Variants in IL11 observed in about 807,000 individuals in gnomAD.
IL11 encodes interleukin 11, also known as interleukin-11.
Under a neutral mutation model 18.1 loss-of-function variants are expected in IL11, and 17 were observed. The observed-to-expected ratio is 0.94, with a 90% CI of 0.64 to 1.41. The LOEUF is 1.41. Ranked by LOEUF, IL11 falls within the 40% of genes most tolerant of loss-of-function variation. The pLI is 0.00. For missense variants in IL11, 309 were observed against 262.8 expected (o/e 1.18, Z -1.22); for synonymous variants, 144 against 134.1 (o/e 1.07, Z -0.51).
Position 55,366,085 on chromosome 19 carries a change from G to A in IL11, c.522C>T (p.Ala174=). 6.3e-7 allele frequency: 1 copy of A among 1,588,086 alleles called. No individual in the cohort carries two copies. Among genetic ancestry groups the A allele is most frequent in the Non-Finnish European group, 8.6e-7 (1 of 1,168,714 alleles). The change falls in exon 5 of 5, where the codon GCC becomes GCT. Residue 174 remains alanine, a synonymous_variant. Transcript: ENST00000264563. This position sits in a 1 kb window ranked among gnomAD's most constrained non-coding sequence, Gnocchi z 4.6. The part of the protein sequence containing the change: ...PSSAWGGIRA[A]HAILGGLHLT... The stretch of plus-strand genomic sequence containing the variant: ...GGTGCAGCCCCCCCAGGATGGCGTG[G>A]GCGGCCCTGATGCCCCCCCAGGCTG...
Position 55,366,021 on chromosome 19 carries a change from TCAG to T in IL11, c.583_585del (p.Leu195del), listed in dbSNP as rs1461039110. On this transcript the variant is annotated inframe_deletion, in exon 5 of 5. Transcript: ENST00000264563. This position sits in a 1 kb window ranked among gnomAD's most constrained non-coding sequence, Gnocchi z 4.6. ...TGGGCCCCGGGTCACAGCCGAGTCT[TCAG>T]CAGCAGCAGTCCCCTCACGGCCCAG... The T allele has an allele frequency of 6.2e-7, 1 of 1,604,576 alleles. No homozygotes were observed.
In IL11 at chr19:55,369,843, T is replaced by C. The variant is rs1223559680; in HGVS notation, c.7+461A>G. The stretch of plus-strand genomic sequence containing the variant: ...CTCCCCGCTTTCCCCCCGCGCCCAG[T>C]CTCTCTCCTCCCCCCGGCTGGGGTC... On this transcript the variant is annotated intron_variant, in intron 1 of 4. Transcript: ENST00000264563. This position sits in a 1 kb window ranked among gnomAD's most constrained non-coding sequence, Gnocchi z 6.1. 6.6e-6 allele frequency among the ~76,000 whole-genome samples: 1 copy of C among 150,778 alleles called. No homozygotes were observed. Among genetic ancestry groups the C allele is most frequent in the Admixed American group, 6.6e-5 (1 of 15,202 alleles).
Position 55,370,341 on chromosome 19 carries a change from A to AG in IL11, c.-32dup. Reference sequence around the variant, plus strand: ...CACAGGGCCAGGGGTTCCCCAGGGCAGGGGGCAGGGAGCCGGGGGCCTTTA... The same window carrying AG: ...CACAGGGCCAGGGGTTCCCCAGGGCAGGGGGGCAGGGAGCCGGGGGCCTTTA... On this transcript the variant is annotated 5_prime_UTR_variant, in exon 1 of 5. Transcript: ENST00000264563. The AG allele has an allele frequency of 2.1e-6, 3 of 1,409,960 alleles. No homozygotes were observed. The highest frequency in any genetic ancestry group is 2.9e-5 in the East Asian group (1 of 34,186). The allele number at this position is 1,409,960 out of a possible 1,614,324, so 87.3% of individuals were successfully genotyped here. A position where few individuals can be genotyped will look rare whatever the true frequency, so the allele number is the denominator to read the frequency against.
At chr19:55,368,698 C>A (rs1042589040) in intron 2 of IL11, 71 bp downstream of exon 2, 1 of 1,506,500 alleles carries the variant, frequency 6.6e-7, no homozygotes. Context: ...CTCCAAGTGG[C>A]TGCCCGCAGA....
chr19:55,366,278 CA>C lies in IL11; in HGVS notation c.430-102del. On this transcript the variant is annotated intron_variant, in intron 4 of 4. Transcript: ENST00000264563. This position sits in a 1 kb window ranked among gnomAD's most constrained non-coding sequence, Gnocchi z 4.6. ...CAGCTGAATCGGGGCTGCATATTCA[CA>C]GGGGGACTGTGGCGCGTGGGGTGAA... The C allele has an allele frequency of 7.7e-7, 1 of 1,304,946 alleles. No individual in the cohort carries two copies. The highest frequency in any genetic ancestry group is 1.0e-6 in the Non-Finnish European group (1 of 988,040). The allele number at this position is 1,304,946 out of a possible 1,614,324, so 80.8% of individuals were successfully genotyped here.
intron 2 of IL11, 37 bp downstream of exon 2, chr19:55,368,732 C>G (rs1441650160): frequency 1.4e-5 from 22 of 1,544,872 alleles, no homozygotes; most frequent in Admixed American, 4.0e-5. Flanking sequence ...CTCTCTGCCT[C>G]TCACTCCTGT....
intron 4 of IL11, among the ~76,000 whole-genome samples, chr19:55,367,394 C>A (rs1351966615): frequency 1.3e-5 from 2 of 148,458 alleles, no homozygotes; most frequent in Non-Finnish European, 3.0e-5. Flanking sequence ...ATGTCAGGAT[C>A]TCAGGGCTGG....
Position 55,368,907 on chromosome 19 carries a change from C to A in IL11, c.42G>T (p.Leu14=). The part of the protein sequence containing the change: ...VCRLVLVVLS[L]WPDTAVAPGP... Reference sequence around the variant, plus strand: ...CAGGGGCGACAGCTGTATCTGGCCACAGGCTCAGCACGACCAGGACCAGGC... The same window carrying A: ...CAGGGGCGACAGCTGTATCTGGCCAAAGGCTCAGCACGACCAGGACCAGGC... The change falls in exon 2 of 5, where the codon CTG becomes CTT. Residue 14 remains leucine (L), a synonymous_variant. Coordinates refer to ENST00000264563, the MANE Select transcript of IL11 (RefSeq NM_000641.4). The A allele has an allele frequency of 6.4e-7, 1 of 1,550,538 alleles. No individual in the cohort carries two copies. Among genetic ancestry groups the A allele is most frequent in the Non-Finnish European group, 8.7e-7 (1 of 1,145,666 alleles).
rs1310620513 is a variant in IL11 at position 55,366,104 on chromosome 19, C to G, written c.503G>C (p.Trp168Ser). ...APPLAPPSSAWGGIRAAHAIL... is the reference protein window; with the variant it reads ...APPLAPPSSASGGIRAAHAIL... Reference sequence around the variant, plus strand: ...GGCGTGGGCGGCCCTGATGCCCCCCCAGGCTGAGGAGGGGGGCGCCAGCGG... The same window carrying G: ...GGCGTGGGCGGCCCTGATGCCCCCCGAGGCTGAGGAGGGGGGCGCCAGCGG... The change falls in exon 5 of 5, where the codon TGG becomes TCG. Residue 168 changes from tryptophan (W) to serine (S), a missense_variant. Trp to Ser is a radical substitution (Grantham distance 177, BLOSUM62 -3). Transcript: ENST00000264563. This position sits in a 1 kb window ranked among gnomAD's most constrained non-coding sequence, Gnocchi z 4.6. The G allele has an allele frequency of 2.6e-6, 4 of 1,567,372 alleles. No individual in the cohort carries two copies. The East Asian group carries it at 7.0e-5, about 28-fold the overall frequency.
In IL11 at chr19:55,368,197, G is replaced by A; in HGVS notation, c.429+13C>T. 1.3e-6 allele frequency: 2 copies of A among 1,523,824 alleles called. No individual in the cohort carries two copies. The highest frequency in any genetic ancestry group is 1.4e-5 in the African/African-American group (1 of 72,650). 94.4% of individuals were successfully genotyped at this position (1,523,824 alleles called of 1,614,324 possible). A position where few individuals can be genotyped will look rare whatever the true frequency, so the allele number is the denominator to read the frequency against. On this transcript the variant is annotated intron_variant, in intron 4 of 4. Coordinates refer to ENST00000264563, the MANE Select transcript of IL11 (RefSeq NM_000641.4). Reference sequence around the variant, plus strand: ...GGGGGTCTGGGGTGTCAGGTCTTGGGGCCAGGACATACCAGGAGCTGCAGC... The same window carrying A: ...GGGGGTCTGGGGTGTCAGGTCTTGGAGCCAGGACATACCAGGAGCTGCAGC...
Position 55,369,092 on chromosome 19 carries a change from AG to A in IL11, c.8-152del, listed in dbSNP as rs2089805137. 1 of 590,236 alleles carries A rather than the reference AG, an allele frequency of 1.7e-6. No homozygotes were observed. The allele number at this position is 590,236 out of a possible 1,614,324, so 36.6% of individuals were successfully genotyped here. ...GGAGAGGCTGGGGGCCTGGACTCCT[AG>A]GTCTGAGGGAGGAAGGCCTGGGGTC... is the stretch of plus-strand genomic sequence containing the variant. On this transcript the variant is annotated intron_variant, in intron 1 of 4. Transcript: ENST00000264563. This position sits in a 1 kb window ranked among gnomAD's most constrained non-coding sequence, Gnocchi z 6.1.
Position 55,365,089 on chromosome 19 carries a change from C to T in IL11, c.*918G>A, listed in dbSNP as rs1025626423. The T allele has an allele frequency of 6.6e-6, 1 of 152,110 alleles. No homozygotes were observed. The highest frequency in any genetic ancestry group is 2.4e-5 in the African/African-American group (1 of 41,400). The allele number at this position is 152,110 out of a possible 1,614,324, so 9.4% of individuals were successfully genotyped here. ...GTGTGGTGGCTCACACCTGTAATCC[C>T]AGCACTTTGGGAGGCCGAGGCAGGA... On this transcript the variant is annotated 3_prime_UTR_variant, in exon 5 of 5. Coordinates refer to ENST00000264563, the MANE Select transcript of IL11 (RefSeq NM_000641.4).
Position 55,369,324 on chromosome 19 carries a change from C to T in IL11, c.8-383G>A, listed in dbSNP as rs1001682416. The T allele has an allele frequency of 6.2e-6, 1 of 160,718 alleles. No individual in the cohort carries two copies. The highest frequency in any genetic ancestry group is 1.4e-5 in the Non-Finnish European group (1 of 73,890). 10.0% of individuals were successfully genotyped at this position (160,718 alleles called of 1,614,324 possible). On this transcript the variant is annotated intron_variant, in intron 1 of 4. Transcript: ENST00000264563. The surrounding 1 kb of genome is among the most constrained non-coding windows in gnomAD (Gnocchi z 6.1). ...GCGGGTAGACGGGCCGGGCGTCTCC[C>T]GTCCGCCCCCGGACGCCGGAATCTG...
chr19:55,370,433 C>T lies in IL11; in HGVS notation c.-123G>A. On this transcript the variant is annotated 5_prime_UTR_variant, in exon 1 of 5. An upstream start codon of the reference 5' UTR is lost. Transcript: ENST00000264563. The stretch of plus-strand genomic sequence containing the variant: ...TGGGCCGCGGCCTGGGGAGGGGAGG[C>T]ATGTGCCCTGAGCAGCAGGGCCGCG... The T allele has an allele frequency of 3.7e-6, 2 of 544,460 alleles. No homozygotes were observed. Among genetic ancestry groups the T allele is most frequent in the Non-Finnish European group, 5.6e-6 (2 of 356,856 alleles). The allele number at this position is 544,460 out of a possible 1,614,324, so 33.7% of individuals were successfully genotyped here.
Position 55,366,210 on chromosome 19 carries a change from AGGGGGTGCAGC to A in IL11, c.430-44_430-34del. Reference sequence around the variant, plus strand: ...GAGAGGAGAGAGGTGAGTCACAGGTAGGGGGTGCAGCGGGGGTGCAGGGCAGGGGTGCTGTG... The same window carrying A: ...GAGAGGAGAGAGGTGAGTCACAGGTAGGGGGTGCAGGGCAGGGGTGCTGTG... On this transcript the variant is annotated intron_variant, in intron 4 of 4. Coordinates refer to ENST00000264563, the MANE Select transcript of IL11 (RefSeq NM_000641.4). The surrounding 1 kb of genome is among the most constrained non-coding windows in gnomAD (Gnocchi z 4.6). 3 of 1,450,532 alleles carry A rather than the reference AGGGGGTGCAGC, an allele frequency of 2.1e-6. No homozygotes were observed. Among genetic ancestry groups the A allele is most frequent in the Non-Finnish European group, 2.7e-6 (3 of 1,101,992 alleles). 89.9% of individuals were successfully genotyped at this position (1,450,532 alleles called of 1,614,324 possible).
chr19:55,369,162 C>A lies in IL11; in HGVS notation c.8-221G>T. 4.6e-6 allele frequency: 2 copies of A among 437,472 alleles called. No homozygotes were observed. Among genetic ancestry groups the A allele is most frequent in the Non-Finnish European group, 8.1e-6 (2 of 246,820 alleles). 27.1% of individuals were successfully genotyped at this position (437,472 alleles called of 1,614,324 possible). On this transcript the variant is annotated intron_variant, in intron 1 of 4. Coordinates refer to ENST00000264563, the MANE Select transcript of IL11 (RefSeq NM_000641.4). This position sits in a 1 kb window ranked among gnomAD's most constrained non-coding sequence, Gnocchi z 6.1. ...GGAGGAGGGTCTGGGGCCTGGACTC[C>A]CGGCCTTAGGGAGGATGGAGCTGGA...
At chr19:55,367,362 C>T (rs1221469418) in intron 4 of IL11, among the ~76,000 whole-genome samples, 2 of 149,054 alleles carry the variant, frequency 1.3e-5, no homozygotes, top group African/African-American at 4.9e-5. Context: ...GGTCTTGTAT[C>T]TTAGGGCCTG....
Position 55,366,004 on chromosome 19 carries a change from G to C in IL11, c.*3C>G, listed in dbSNP as rs115572810. ...AAGGACGGTGGTGGCTTTGGGCCCC[G>C]GGTCACAGCCGAGTCTTCAGCAGCA... On this transcript the variant is annotated 3_prime_UTR_variant, in exon 5 of 5. Transcript: ENST00000264563. The surrounding 1 kb of genome is among the most constrained non-coding windows in gnomAD (Gnocchi z 4.6). The C allele has an allele frequency of 4.0e-3, 6,333 of 1,597,898 alleles. 126 individuals are homozygous for C. In the African/African-American group the frequency reaches 0.048, roughly 12 times the overall value.
Position 55,366,116 on chromosome 19 carries a change from G to T in IL11, c.491C>A (p.Pro164His), listed in dbSNP as rs753667644. ...CCTGATGCCCCCCCAGGCTGAGGAG[G>T]GGGGCGCCAGCGGGGGCGCCGGCGG... The part of the protein sequence containing the change: ...PDPPAPPLAP[P>H]SSAWGGIRAA... The change falls in exon 5 of 5, where the codon CCC becomes CAC. Residue 164 changes from proline to histidine, a missense_variant. Transcript: ENST00000264563. The surrounding 1 kb of genome is among the most constrained non-coding windows in gnomAD (Gnocchi z 4.6). 2.6e-5 allele frequency: 40 copies of T among 1,548,562 alleles called. No individual in the cohort carries two copies. Among genetic ancestry groups the T allele is most frequent in the Non-Finnish European group, 3.5e-5 (40 of 1,149,292 alleles).
Sources: gnomAD v4.1 joint callset for allele counts (sites outside exome capture counted in the v4.1 genomes callset) on GRCh38, gnomAD v4.1.1 for gene constraint, Gnocchi (gnomAD v3.1) non-coding constraint, MANE v1.5 for transcripts, NCBI Gene and HGNC (gene_info 2026-07-23, HGNC 2026-07-21) for gene names.